Variants in NAT1 observed in about 807,000 individuals in gnomAD.
The protein encoded by NAT1 is arylamine N-acetyltransferase 1.
For missense variants in NAT1, 400 were observed against 339.2 expected (o/e 1.18, Z -1.41); for synonymous variants, 144 against 122.6 (o/e 1.17, Z -1.16).
chr8:18,212,409 A>C (rs1345162511), intron 1 of NAT1: 1 of 152,224 alleles, frequency 6.6e-6, no homozygotes, highest in East Asian at 1.9e-4. Context: ...AATGTCCACA[A>C]AAGTGACTTA....
At chr8:18,193,510 T>A (rs1389685612) in intron 2 of NAT1, among the ~76,000 whole-genome samples, 2 of 145,570 alleles carry the variant, frequency 1.4e-5, no homozygotes, top group Non-Finnish European at 1.5e-5. Flanking sequence ...ATATATAATA[T>A]ATATATATAT....
At chr8:18,180,987 G>T (rs577539651) in intron 2 of NAT1, among the ~76,000 whole-genome samples, 1 of 151,738 alleles carries the variant, frequency 6.6e-6, no homozygotes, top group Non-Finnish European at 1.5e-5. Flanking sequence ...AGCTATTCAG[G>T]GTCTTTTGTA....
intron 2 of NAT1, among the ~76,000 whole-genome samples, chr8:18,203,175 T>C (rs1803552878): frequency 6.6e-6 from 1 of 152,224 alleles, no homozygotes; most frequent in Admixed American, 6.5e-5. Flanking sequence ...TATACGCTTG[T>C]ATGTATGTAC....
Position 18,222,095 on chromosome 8 carries a change from G to T in NAT1, c.48G>T (p.Arg16Ser). The stretch of plus-strand genomic sequence containing the variant: ...AAAGAATTGGCTATAAGAAGTCTAG[G>T]AACAAATTGGACTTGGAAACATTAA... ...YLERIGYKKS[R>S]NKLDLETLTD... The change falls in exon 3 of 3, where the codon AGG becomes AGT. Residue 16 changes from arginine (R) to serine (S), a missense_variant. Physicochemically the swap from Arg to Ser is moderately radical, Grantham distance 110 (BLOSUM62 -1). Transcript: ENST00000307719. 1 of 1,614,054 alleles carries T rather than the reference G, an allele frequency of 6.2e-7. No homozygotes were observed. Among genetic ancestry groups the T allele is most frequent in the Non-Finnish European group, 8.5e-7 (1 of 1,179,966 alleles).
intron 2 of NAT1, among the ~76,000 whole-genome samples, chr8:18,178,657 G>T (rs933312082): frequency 6.6e-6 from 1 of 152,112 alleles, no homozygotes. Flanking sequence ...GAATAGAATT[G>T]CAAGGCTTTC....
At chr8:18,174,304 T>G (rs968520876) in intron 2 of NAT1, among the ~76,000 whole-genome samples, 2 of 152,176 alleles carry the variant, frequency 1.3e-5, no homozygotes, top group Admixed American at 1.3e-4. Context: ...GTATTTCATC[T>G]GGACACATTC....
chr8:18,185,317 T>A (rs542354285), intron 2 of NAT1, among the ~76,000 whole-genome samples: 47 of 152,186 alleles, frequency 3.1e-4, no homozygotes, highest in Non-Finnish European at 5.1e-4. Flanking sequence ...ATTTATAGAT[T>A]CCATTCCTTT....
chr8:18,207,715 CA>C (rs1384354717), upstream of NAT1, among the ~76,000 whole-genome samples: 1 of 152,178 alleles, frequency 6.6e-6, no homozygotes, highest in African/African-American at 2.4e-5. Flanking sequence ...GGCAATTCCT[CA>C]AAGTCCTAGA....
chr8:18,194,748 G>C (rs1266201441), intron 2 of NAT1, among the ~76,000 whole-genome samples: 1 of 151,956 alleles, frequency 6.6e-6, no homozygotes, highest in African/African-American at 2.4e-5. Context: ...TGAACCCTGG[G>C]GGTGGAGGTT....
chr8:18,201,901 C>T (rs757817940), intron 2 of NAT1, among the ~76,000 whole-genome samples: 1 of 152,196 alleles, frequency 6.6e-6, no homozygotes, highest in African/African-American at 2.4e-5. Flanking sequence ...TCAAAGGACT[C>T]CACCTTGAAG....
Position 18,177,790 on chromosome 8 carries a change from T to A in NAT1, n.92+7051T>A, listed in dbSNP as rs189398990. ...TACGCAGGTTGCAACTTTATTAACA[T>A]GTGTATCGTTGTCCAGGAGAATCCA... is the stretch of plus-strand genomic sequence containing the variant. On this transcript the variant is annotated intron_variant and non_coding_transcript_variant, in intron 2 of 4. Coordinates refer to the NAT1 transcript ENST00000517441. Among the ~76,000 whole-genome samples the A allele has an allele frequency of 3.9e-5, 6 of 152,270 alleles. No individual in the cohort carries two copies. In the East Asian group the frequency reaches 1.2e-3, roughly 29 times the overall value.
At chr8:18,210,101 G>A (rs544804203), upstream of NAT1, 7 of 152,356 alleles carry the variant, frequency 4.6e-5, no homozygotes, top group African/African-American at 1.7e-4. Flanking sequence ...GACTTTGGAA[G>A]TGAGAGCACT....
chr8:18,191,521 C>A (rs1447531788), intron 2 of NAT1, among the ~76,000 whole-genome samples: 1 of 151,812 alleles, frequency 6.6e-6, no homozygotes, highest in Non-Finnish European at 1.5e-5. Flanking sequence ...CAAAAAAGAG[C>A]CCGCATCGCC....
intron 2 of NAT1, among the ~76,000 whole-genome samples, chr8:18,203,402 A>C (rs1011114312): frequency 6.6e-6 from 1 of 152,188 alleles, no homozygotes; most frequent in African/African-American, 2.4e-5. Flanking sequence ...TAACTGAGGC[A>C]TTTTCACCTA....
upstream of NAT1, chr8:18,209,947 T>C (rs1343520284): frequency 6.6e-6 from 1 of 152,056 alleles, no homozygotes; most frequent in Non-Finnish European, 1.5e-5. Flanking sequence ...CTCTCCACCC[T>C]TTTTTATGGT....
At chr8:18,206,379 A>G (rs919208741), upstream of NAT1, among the ~76,000 whole-genome samples, 7 of 152,126 alleles carry the variant, frequency 4.6e-5, no homozygotes, top group African/African-American at 1.7e-4. Flanking sequence ...CCTTGGTGGC[A>G]GCTGTTTTAC....
chr8:18,173,313 T>G (rs993613340), intron 2 of NAT1, among the ~76,000 whole-genome samples: 3 of 152,210 alleles, frequency 2.0e-5, no homozygotes, highest in African/African-American at 7.2e-5. Flanking sequence ...AATGAGTTCA[T>G]ACTATCTAGC....
At position 18,171,469 on chromosome 8, in the gene NAT1, G is replaced by A. The variant is rs556807764; in HGVS notation, n.92+730G>A. Reference sequence around the variant, plus strand: ...GAAGAAAGAGGGGTGCAGTTTGACCGAATTAACCCTGTTTTGCTTCCTACA... The same window carrying A: ...GAAGAAAGAGGGGTGCAGTTTGACCAAATTAACCCTGTTTTGCTTCCTACA... On this transcript the variant is annotated intron_variant and non_coding_transcript_variant, in intron 2 of 4. Transcript: ENST00000517441. 3.3e-5 allele frequency among the ~76,000 whole-genome samples: 5 copies of A among 152,274 alleles called. No homozygotes were observed. The East Asian group carries it at 5.8e-4, about 18-fold the overall frequency.
At chr8:18,200,303 A>G (rs1228689537) in intron 2 of NAT1, among the ~76,000 whole-genome samples, 1 of 129,322 alleles carries the variant, frequency 7.7e-6, no homozygotes, top group Admixed American at 8.3e-5. Flanking sequence ...GGTGCCCATC[A>G]ATGATAGACT....
Sources: allele counts gnomAD v4.1 joint callset (sites outside exome capture counted in the v4.1 genomes callset), GRCh38; gene constraint gnomAD v4.1.1; transcripts MANE v1.5; gene names NCBI Gene and HGNC (gene_info 2026-07-23, HGNC 2026-07-21).